The following SLC14A2 variants were observed in gnomAD, a reference collection of about 807,000 sequenced individuals.
SLC14A2 encodes urea transporter 2.
Under a neutral mutation model 104.6 loss-of-function variants are expected in SLC14A2, and 91 were observed. The observed-to-expected ratio is 0.87, with a 90% CI of 0.73 to 1.04. The LOEUF (loss-of-function observed/expected upper bound fraction) is 1.04, where lower values mean the gene tolerates loss of function less well. Among genes scored for constraint, SLC14A2 ranks in the 50% least tolerant of loss-of-function variants. The pLI is 0.00. For synonymous variants in SLC14A2, 476 were observed against 466.4 expected, an observed-to-expected ratio of 1.02 and a Z score of -0.27; for missense variants, 1,189 against 1,156.0, an observed-to-expected ratio of 1.03 and a Z score of -0.41.
intron 2 of SLC14A2, among the ~76,000 whole-genome samples, chr18:45,507,573 G>A (rs1371413600): frequency 1.3e-5 from 2 of 152,164 alleles, no homozygotes; most frequent in African/African-American, 4.8e-5. Flanking sequence ...GAATCTGTGG[G>A]GACACAGACT....
intron 1 of SLC14A2, among the ~76,000 whole-genome samples, chr18:45,416,810 A>G (rs1300030058): frequency 6.6e-6 from 1 of 152,242 alleles, no homozygotes; most frequent in Admixed American, 6.5e-5. Flanking sequence ...TTTATAGGAC[A>G]TTTGATCATT....
At chr18:45,606,902 A>T (rs1395809086) in intron 2 of SLC14A2, among the ~76,000 whole-genome samples, 2 of 152,088 alleles carry the variant, frequency 1.3e-5, no homozygotes, top group Non-Finnish European at 2.9e-5. Context: ...CACATAATAC[A>T]TCCTACGTTG....
rs370280324 is a variant in SLC14A2, at chr18:45,269,675, A to C, written c.-125+56484A>C. 9.2e-5 allele frequency among the ~76,000 whole-genome samples: 14 copies of C among 152,270 alleles called. No homozygotes were observed. In the South Asian group the frequency reaches 2.5e-3, roughly 27 times the overall value. On this transcript the variant is annotated intron_variant, in intron 1 of 20. Coordinates refer to the SLC14A2 transcript ENST00000586448. Reference sequence around the variant, plus strand: ...TAATTGCGCGTACTATGTGCTTCCCAATCTCTCACAAGCCACATATTTAGA... The same window carrying C: ...TAATTGCGCGTACTATGTGCTTCCCCATCTCTCACAAGCCACATATTTAGA...
intron 2 of SLC14A2, among the ~76,000 whole-genome samples, chr18:45,493,494 A>G (rs1182554163): frequency 6.6e-6 from 1 of 152,366 alleles, no homozygotes; most frequent in South Asian, 2.1e-4. Flanking sequence ...ATTATCTAAT[A>G]CTAACCCACT....
At chr18:45,505,255 C>CA (rs2043264050) in intron 2 of SLC14A2, among the ~76,000 whole-genome samples, 1 of 152,158 alleles carries the variant, frequency 6.6e-6, no homozygotes, top group Non-Finnish European at 1.5e-5. Flanking sequence ...CAAGGGCAGA[C>CA]AGGGAGATGG....
At chr18:45,371,841 A>T (rs2085726170) in intron 1 of SLC14A2, among the ~76,000 whole-genome samples, 1 of 152,232 alleles carries the variant, frequency 6.6e-6, no homozygotes, top group African/African-American at 2.4e-5. Flanking sequence ...TACTTGCTTT[A>T]CAAGTAAATT....
At chr18:45,645,632 A>ATATATAT (rs1568312070) in intron 10 of SLC14A2, among the ~76,000 whole-genome samples, 7 of 7,116 alleles carry the variant, frequency 9.8e-4, no homozygotes, top group South Asian at 5.4e-3. Context: ...TACATATACA[A>ATATATAT]AGATATATAT....
rs529232469 is a variant in SLC14A2, at chr18:45,453,185, C to T, written c.-124-30048C>T. ...CTTCATTCTGCCTGGGAAGCCCAGC[C>T]CTCAAATTCCAAGGTCCCACTAGCT... On this transcript the variant is annotated intron_variant, in intron 1 of 20. Transcript: ENST00000586448. 3.9e-5 allele frequency among the ~76,000 whole-genome samples: 6 copies of T among 152,262 alleles called. No homozygotes were observed. The East Asian group carries it at 1.2e-3, about 29-fold the overall frequency.
chr18:45,434,458 T>G (rs1277775156), intron 1 of SLC14A2, among the ~76,000 whole-genome samples: 2 of 133,832 alleles, frequency 1.5e-5, no homozygotes, highest in Non-Finnish European at 3.2e-5. Context: ...CATCAGGAAA[T>G]TTTGCAGAGC....
chr18:45,328,761 T>C (rs11663678), intron 1 of SLC14A2, among the ~76,000 whole-genome samples: 13,153 of 152,274 alleles, frequency 0.086, 701 homozygotes, highest in South Asian at 0.12. Context: ...GAGGAGCCAA[T>C]TGGTTTTTAT....
At chr18:45,305,385 G>C (rs2144201077) in intron 1 of SLC14A2, among the ~76,000 whole-genome samples, 1 of 152,274 alleles carries the variant, frequency 6.6e-6, no homozygotes, top group Middle Eastern at 3.4e-3. Flanking sequence ...ATGTGCACTG[G>C]GATGCCATCT....
At chr18:45,345,282 C>A (rs1419847872) in intron 1 of SLC14A2, among the ~76,000 whole-genome samples, 7 of 152,148 alleles carry the variant, frequency 4.6e-5, no homozygotes, top group Non-Finnish European at 1.5e-5. Flanking sequence ...TGGTTCTAAT[C>A]GTTATTCATG....
intron 2 of SLC14A2, among the ~76,000 whole-genome samples, chr18:45,507,565 A>G (rs573373249): frequency 6.6e-6 from 1 of 152,302 alleles, no homozygotes; most frequent in South Asian, 2.1e-4. Context: ...GCACTAAAGA[A>G]TCTGTGGGGA....
chr18:45,587,807 C>G (rs765164443), intron 2 of SLC14A2, among the ~76,000 whole-genome samples: 2 of 152,082 alleles, frequency 1.3e-5, no homozygotes, highest in Non-Finnish European at 2.9e-5. Context: ...AAGCTCCCAC[C>G]CTCACCAGTT....
At chr18:45,415,724 T>C (rs1486337354) in intron 1 of SLC14A2, among the ~76,000 whole-genome samples, 2 of 152,176 alleles carry the variant, frequency 1.3e-5, no homozygotes, top group Admixed American at 1.3e-4. Flanking sequence ...GCTGCCCTTA[T>C]TTCTAATGGG....
chr18:45,507,985 A>C (rs1030758778), intron 2 of SLC14A2, among the ~76,000 whole-genome samples: 37 of 152,266 alleles, frequency 2.4e-4, no homozygotes, highest in African/African-American at 8.9e-4. Context: ...CCTGCCAGGT[A>C]CCACTCCAAT....
At chr18:45,273,849 T>C (rs2084675455) in intron 1 of SLC14A2, among the ~76,000 whole-genome samples, 1 of 151,286 alleles carries the variant, frequency 6.6e-6, no homozygotes, top group African/African-American at 2.4e-5. Context: ...TTCTCTGGAC[T>C]CTGTGTGAGC....
chr18:45,259,077 T>C (rs1311575063), intron 1 of SLC14A2, among the ~76,000 whole-genome samples: 4 of 152,200 alleles, frequency 2.6e-5, no homozygotes, highest in Non-Finnish European at 5.9e-5. Flanking sequence ...ACCCCTACAG[T>C]TGCTTTTCAA....
At chr18:45,596,386 C>T (rs759710733) in intron 2 of SLC14A2, among the ~76,000 whole-genome samples, 20 of 152,196 alleles carry the variant, frequency 1.3e-4, no homozygotes, top group Non-Finnish European at 5.9e-5. Flanking sequence ...ATATTTCAAA[C>T]TCTTATTGGG....
Sources: gnomAD v4.1 joint callset for allele counts (sites outside exome capture counted in the v4.1 genomes callset) on GRCh38, gnomAD v4.1.1 for gene constraint, MANE v1.5 for transcripts, NCBI Gene and HGNC (gene_info 2026-07-23, HGNC 2026-07-21) for gene names.